Variants in HK1 observed in about 807,000 individuals in gnomAD.
HK1 encodes hexokinase-1.
In HK1, 28 loss-of-function variants were observed where a neutral mutation model predicts 91.6. That is an observed-to-expected ratio of 0.31 (90% CI 0.23 to 0.42). The LOEUF (loss-of-function observed/expected upper bound fraction) is 0.42. Ranked by LOEUF, HK1 falls within the 10% of genes least tolerant of loss-of-function variation. The pLI is 1.00. For missense variants in HK1, 770 were observed against 1,219.8 expected, an observed-to-expected ratio of 0.63 and a Z score of 5.49; for synonymous variants, 430 against 468.1, an observed-to-expected ratio of 0.92 and a Z score of 1.05.
chr10:69,275,248 C>T (rs755508797), intron 1 of HK1, among the ~76,000 whole-genome samples: 12 of 149,708 alleles, frequency 8.0e-5, no homozygotes, highest in African/African-American at 1.5e-4. Flanking sequence ...AGGCCGGGCA[C>T]GGTGGCTCAC....
chr10:69,331,171 C>G (rs1209223624), intron 1 of HK1, among the ~76,000 whole-genome samples: 1 of 152,198 alleles, frequency 6.6e-6, no homozygotes, highest in Non-Finnish European at 1.5e-5. Flanking sequence ...TGAGCCGCCA[C>G]GCCGGGCCAG....
chr10:69,343,151 C>T (rs1848375752), intron 1 of HK1, among the ~76,000 whole-genome samples: 1 of 152,152 alleles, frequency 6.6e-6, no homozygotes, highest in African/African-American at 2.4e-5. Context: ...TCTGGGCCTG[C>T]CACCCTGTGT....
chr10:69,349,806 C>T (rs1232899790), intron 2 of HK1, among the ~76,000 whole-genome samples: 1 of 152,176 alleles, frequency 6.6e-6, no homozygotes, highest in African/African-American at 2.4e-5. Context: ...GATTCATTTC[C>T]TGACAAAGAA....
chr10:69,390,016 C>T (rs1032959582), intron 14 of HK1, among the ~76,000 whole-genome samples: 1 of 152,188 alleles, frequency 6.6e-6, no homozygotes, highest in Admixed American at 6.5e-5. Context: ...CCAACATCTG[C>T]GGACTCTGCC....
intron 1 of HK1, among the ~76,000 whole-genome samples, chr10:69,328,562 C>T (rs1377384848): frequency 6.6e-6 from 1 of 152,182 alleles, no homozygotes; most frequent in Non-Finnish European, 1.5e-5. Context: ...GACGGTGAGG[C>T]CCAGATAGTG....
At chr10:69,288,572 G>A in intron 2 of HK1, 1 of 732,252 alleles carries the variant, frequency 1.4e-6, no homozygotes, top group Non-Finnish European at 2.5e-6. Context: ...CTATGTCTTG[G>A]TTCTCAGTAT....
chr10:69,350,113 G>A (rs1392782966), intron 2 of HK1, among the ~76,000 whole-genome samples: 1 of 152,160 alleles, frequency 6.6e-6, no homozygotes, highest in African/African-American at 2.4e-5. Flanking sequence ...TGCTCCCCAT[G>A]GACCTGTGAT....
upstream of HK1, chr10:69,315,716 A>G: frequency 3.4e-6 from 2 of 587,280 alleles, no homozygotes; most frequent in Admixed American, 4.7e-5. Context: ...GGCAGATAGG[A>G]CCAGCCCCCT....
chr10:69,367,000 G>A (rs1251955560), intron 4 of HK1, among the ~76,000 whole-genome samples: 2 of 152,222 alleles, frequency 1.3e-5, no homozygotes, highest in Non-Finnish European at 2.9e-5. Context: ...GAGGTTTAAT[G>A]TTACCGTACA....
At chr10:69,375,852 A>C (rs757241110) in intron 7 of HK1, among the ~76,000 whole-genome samples, 1 of 152,128 alleles carries the variant, frequency 6.6e-6, no homozygotes, top group South Asian at 2.1e-4. Flanking sequence ...GCCTTCAGCA[A>C]TGCGTGTTGG....
intron 17 of HK1, 58 bp downstream of exon 17, chr10:69,398,886 G>A (rs1038024606): frequency 7.4e-7 from 1 of 1,351,652 alleles, no homozygotes; most frequent in African/African-American, 1.4e-5. Context: ...TTGGGTTAGG[G>A]GGTATCAGGG....
At chr10:69,276,090 CAAAAAAAAAA>C (rs60324656) in intron 1 of HK1, among the ~76,000 whole-genome samples, 348 of 15,932 alleles carry the variant, frequency 0.022, 15 homozygotes, top group Middle Eastern at 0.062. Flanking sequence ...AACTCCTTTT[CAAAAAAAAAA>C]AAAAAAAAAA....
intron 5 of HK1, among the ~76,000 whole-genome samples, chr10:69,302,032 G>A (rs1467280287): frequency 2.0e-5 from 3 of 152,076 alleles, no homozygotes; most frequent in Non-Finnish European, 2.9e-5. Context: ...GATCACCTGA[G>A]GTCAGGAGTT....
rs138425851 is a variant in HK1, at chr10:69,339,952, A to T, written c.64-3875A>T. Among the ~76,000 whole-genome samples the T allele has an allele frequency of 1.7e-4, 26 of 152,364 alleles. 1 individual carries two copies. The highest frequency in any genetic ancestry group is 6.3e-4 in the African/African-American group (26 of 41,582). ...AAAATGGGGATTAAGAACATCTCCC[A>T]GACAGTTTTGAAGGTTAAATGACAT... On this transcript the variant is annotated intron_variant, in intron 1 of 17. Coordinates refer to ENST00000359426, the MANE Select transcript of HK1 (RefSeq NM_000188.3).
chr10:69,284,977 C>T (rs1264004116), intron 2 of HK1, among the ~76,000 whole-genome samples: 9 of 151,944 alleles, frequency 5.9e-5, no homozygotes, highest in South Asian at 2.1e-4. Context: ...CCACCACGCC[C>T]GGCTAATTTT....
chr10:69,392,399 G>A (rs1379163700), intron 15 of HK1, 91 bp downstream of exon 15: 4 of 1,382,228 alleles, frequency 2.9e-6, no homozygotes, highest in African/African-American at 1.4e-5. Context: ...AAGTTTCTAG[G>A]AGGAGAGGTC....
rs1849867981 is a variant in HK1, at chr10:69,369,209, A to G, written c.592-28A>G. 1.9e-6 allele frequency: 3 copies of G among 1,545,376 alleles called. No homozygotes were observed. Among genetic ancestry groups the G allele is most frequent in the East Asian group, 2.2e-5 (1 of 44,536 alleles). On this transcript the variant is annotated intron_variant, in intron 5 of 17. Transcript: ENST00000359426. This position sits in a 1 kb window ranked among gnomAD's most constrained non-coding sequence, Gnocchi z 4.4. ...GATCTCTGCTCCCATGTGTGAGTGG[A>G]CAATGACACCCCGTTATCTGTCCCC...
chr10:69,395,160 G>T, intron 16 of HK1, 55 bp downstream of exon 16: 8 of 1,583,246 alleles, frequency 5.1e-6, no homozygotes, highest in Non-Finnish European at 6.9e-6. Flanking sequence ...TCGCCTGGCT[G>T]GTGGATTGTG....
At chr10:69,308,328 G>A (rs1846200428) in intron 5 of HK1, among the ~76,000 whole-genome samples, 1 of 152,108 alleles carries the variant, frequency 6.6e-6, no homozygotes, top group African/African-American at 2.4e-5. Flanking sequence ...AGTTAAAGAA[G>A]GAAGCGGTTT....
Sources: allele counts gnomAD v4.1 joint callset (sites outside exome capture counted in the v4.1 genomes callset), GRCh38; gene constraint gnomAD v4.1.1; non-coding constraint Gnocchi (gnomAD v3.1); transcripts MANE v1.5; gene names NCBI Gene and HGNC (gene_info 2026-07-23, HGNC 2026-07-21).